The following ASPSCR1 variants were observed in gnomAD, a reference collection of about 807,000 sequenced individuals.
The protein encoded by ASPSCR1 is tether containing UBX domain for GLUT4.
ASPSCR1 carries 55 observed loss-of-function variants against 68.9 expected under a neutral mutation model. The ratio of observed to expected loss-of-function variants is 0.80; its 90% CI spans 0.64 to 1.00. The LOEUF (loss-of-function observed/expected upper bound fraction) is 1.00, where lower values mean the gene tolerates loss of function less well. ASPSCR1 is among the 50% of genes least tolerant of loss of function. The pLI, the probability that ASPSCR1 is intolerant of heterozygous loss-of-function variation, is 0.00. For missense variants in ASPSCR1, 765 were observed against 762.2 expected, an observed-to-expected ratio of 1.00 and a Z score of -0.04; for synonymous variants, 352 against 332.6, an observed-to-expected ratio of 1.06 and a Z score of -0.63.
At chr17:81,982,061 C>T (rs906748414) in intron 2 of ASPSCR1, among the ~76,000 whole-genome samples, 2 of 152,160 alleles carry the variant, frequency 1.3e-5, no homozygotes, top group African/African-American at 2.4e-5. Flanking sequence ...CTCCGCCTCC[C>T]GGGTTGAAGC....
intron 12 of ASPSCR1, chr17:82,014,789 A>G (rs971174837): frequency 1.6e-5 from 8 of 507,476 alleles, no homozygotes; most frequent in African/African-American, 1.3e-4. Context: ...CTTCCTGGCA[A>G]CACTGAGTGG....
At chr17:81,991,346 A>T (rs954112427) in intron 4 of ASPSCR1, among the ~76,000 whole-genome samples, 1 of 152,156 alleles carries the variant, frequency 6.6e-6, no homozygotes, top group African/African-American at 2.4e-5. Context: ...GGCTGAGTGC[A>T]TCTCAGCCTG....
chr17:82,009,428 C>T lies in ASPSCR1; in HGVS notation c.1089-58C>T, dbSNP rs148022587. ...AGGGTGCAGGTGAGGAGCCCGGGGC[C>T]TGTTGCCAGGGCCCCCATTCTGACC... On this transcript the variant is annotated intron_variant, in intron 8 of 15. Transcript: ENST00000306739. 20 of 1,504,640 alleles carry T rather than the reference C, an allele frequency of 1.3e-5. No individual in the cohort carries two copies. The East Asian group carries it at 1.7e-4, about 13-fold the overall frequency. The allele number at this position is 1,504,640 out of a possible 1,614,324, so 93.2% of individuals were successfully genotyped here.
rs2144017933 is a variant in ASPSCR1 at position 81,987,738 on chromosome 17, G to C, written c.374+2131G>C. On this transcript the variant is annotated intron_variant, in intron 4 of 15. Coordinates refer to ENST00000306739, the MANE Select transcript of ASPSCR1 (RefSeq NM_024083.4). The surrounding 1 kb of genome is among the most constrained non-coding windows in gnomAD (Gnocchi z 5.6). ...GGTTCTGGAAGTGGCTTTGGAGCTGGCTTTGGTGGTGGCTGTGGGGGTGGG... is the reference window on the plus strand; with the variant it reads ...GGTTCTGGAAGTGGCTTTGGAGCTGCCTTTGGTGGTGGCTGTGGGGGTGGG... Among the ~76,000 whole-genome samples the C allele has an allele frequency of 6.6e-6, 1 of 152,142 alleles. No homozygotes were observed. The highest frequency in any genetic ancestry group is 1.5e-5 in the Non-Finnish European group (1 of 67,984).
intron 7 of ASPSCR1, among the ~76,000 whole-genome samples, chr17:81,998,955 C>A (rs1598411934): frequency 6.6e-6 from 1 of 152,226 alleles, no homozygotes; most frequent in African/African-American, 2.4e-5. Flanking sequence ...CTCACGCCTC[C>A]CCCCAACCGT....
chr17:81,988,961 A>G (rs2042081051), intron 4 of ASPSCR1, among the ~76,000 whole-genome samples: 2 of 152,052 alleles, frequency 1.3e-5, no homozygotes, highest in South Asian at 4.1e-4. Flanking sequence ...TAATCCCAGC[A>G]CTTTGGGAGG....
intron 12 of ASPSCR1, chr17:82,015,428 C>T (rs2043089624): frequency 1.3e-6 from 2 of 1,500,380 alleles, no homozygotes; most frequent in Non-Finnish European, 1.8e-6. Context: ...GGCCTGGCTG[C>T]CAAGCCTACT....
chr17:81,980,496 C>T (rs2041761283), intron 2 of ASPSCR1, among the ~76,000 whole-genome samples: 1 of 152,244 alleles, frequency 6.6e-6, no homozygotes, highest in Admixed American at 6.5e-5. Flanking sequence ...CTTGGGCTTT[C>T]TGCCCCAGAC....
rs1356668260 is a variant in ASPSCR1 at position 81,999,801 on chromosome 17, C to T, written c.933+2955C>T. ...GAGTGAAGCAACCTCATGCCTCCCT[C>T]TTGCCTCCCGGCCACACACCTGGGA... On this transcript the variant is annotated intron_variant, in intron 7 of 15. Transcript: ENST00000306739. The surrounding 1 kb of genome is among the most constrained non-coding windows in gnomAD (Gnocchi z 4.4). Among the ~76,000 whole-genome samples, 6 of 152,150 alleles carry T rather than the reference C, an allele frequency of 3.9e-5. No homozygotes were observed. The highest frequency in any genetic ancestry group is 8.8e-5 in the Non-Finnish European group (6 of 68,020).
At chr17:82,003,376 A>AT (rs144440213) in intron 7 of ASPSCR1, among the ~76,000 whole-genome samples, 4 of 152,328 alleles carry the variant, frequency 2.6e-5, no homozygotes, top group Non-Finnish European at 5.9e-5. Context: ...TGAGCCTGAG[A>AT]GATCAAGACT....
intron 7 of ASPSCR1, among the ~76,000 whole-genome samples, chr17:82,000,069 G>A (rs1365694692): frequency 6.6e-6 from 1 of 152,226 alleles, no homozygotes; most frequent in Admixed American, 6.5e-5. Context: ...CCCATGAAGC[G>A]CTCGTGCCCC....
At chr17:82,013,818 C>T (rs2043032933) in intron 12 of ASPSCR1, 1 of 152,560 alleles carries the variant, frequency 6.6e-6, no homozygotes, top group Admixed American at 6.5e-5. Flanking sequence ...GGAACAAAGC[C>T]CCCCGCCCCT....
chr17:81,998,694 T>C (rs1314916451), intron 7 of ASPSCR1, among the ~76,000 whole-genome samples: 2 of 152,240 alleles, frequency 1.3e-5, no homozygotes, highest in Non-Finnish European at 2.9e-5. Context: ...TGTTCATAAG[T>C]GAGACAGACT....
At chr17:81,985,754 G>A (rs1398345665) in intron 4 of ASPSCR1, 147 bp downstream of exon 4, 2 of 731,088 alleles carry the variant, frequency 2.7e-6, no homozygotes, top group African/African-American at 1.8e-5. Flanking sequence ...GTAGAGGAGG[G>A]GTGTGTGGGC....
intron 11 of ASPSCR1, 172 bp from the exon 12 acceptor site, chr17:82,012,059 G>T: frequency 1.2e-6 from 1 of 836,158 alleles, no homozygotes; most frequent in South Asian, 1.4e-5. Context: ...CGGCCCTTCC[G>T]AGCCCTCAGC....
At chr17:82,015,314 C>G in intron 12 of ASPSCR1, 1 of 1,598,200 alleles carries the variant, frequency 6.3e-7, no homozygotes, top group South Asian at 1.1e-5. Flanking sequence ...GTGGCGATCC[C>G]TCCCGAGTCA....
Position 82,015,153 on chromosome 17 carries a change from C to T in ASPSCR1, c.1354-1323C>T, listed in dbSNP as rs769486667. On this transcript the variant is annotated intron_variant, in intron 12 of 15. Coordinates refer to ENST00000306739, the MANE Select transcript of ASPSCR1 (RefSeq NM_024083.4). Reference sequence around the variant, plus strand: ...GTGCCTGGGACCAGAGCAGAGAACACGCTTGCCAGTGGTAGGAGATGGAGG... The same window carrying T: ...GTGCCTGGGACCAGAGCAGAGAACATGCTTGCCAGTGGTAGGAGATGGAGG... 4.8e-5 allele frequency: 77 copies of T among 1,598,312 alleles called. 1 individual carries two copies. In the South Asian group the frequency reaches 5.2e-4, roughly 11 times the overall value.
chr17:81,979,258 A>G lies in ASPSCR1; in HGVS notation c.158+19A>G, dbSNP rs747582679. 1.2e-6 allele frequency: 2 copies of G among 1,612,258 alleles called. No homozygotes were observed. Among genetic ancestry groups the G allele is most frequent in the Admixed American group, 3.3e-5 (2 of 60,018 alleles). ...ATCTGAAGTGAGTTTGCTCCAGCTC[A>G]GCAGCAGGGTCTGAGTATATCTGTG... On this transcript the variant is annotated intron_variant, in intron 2 of 15. Coordinates refer to ENST00000306739, the MANE Select transcript of ASPSCR1 (RefSeq NM_024083.4).
At chr17:81,980,446 C>T (rs775988018) in intron 2 of ASPSCR1, among the ~76,000 whole-genome samples, 18 of 152,244 alleles carry the variant, frequency 1.2e-4, no homozygotes, top group African/African-American at 2.7e-4. Flanking sequence ...GTCTGGACCA[C>T]GTGAGAATCC....
Sources: gnomAD v4.1 joint callset for allele counts (sites outside exome capture counted in the v4.1 genomes callset) on GRCh38, gnomAD v4.1.1 for gene constraint, Gnocchi (gnomAD v3.1) non-coding constraint, MANE v1.5 for transcripts, NCBI Gene and HGNC (gene_info 2026-07-23, HGNC 2026-07-21) for gene names.